Variants in PTGFRN observed in about 807,000 individuals in gnomAD.
PTGFRN encodes the protein prostaglandin F2 receptor negative regulator.
PTGFRN carries 35 observed loss-of-function variants against 83.2 expected under a neutral mutation model. The observed-to-expected ratio is 0.42, with a 90% confidence interval of 0.32 to 0.56. The LOEUF (loss-of-function observed/expected upper bound fraction) is 0.56. Ranked by LOEUF, PTGFRN falls within the 20% of genes least tolerant of loss-of-function variation. PTGFRN has a pLI of 0.11. For synonymous variants in PTGFRN, 519 were observed against 498.6 expected, an observed-to-expected ratio of 1.04 and a Z score of -0.55; for missense variants, 1,051 against 1,179.5, an observed-to-expected ratio of 0.89 and a Z score of 1.60.
intron 1 of PTGFRN, among the ~76,000 whole-genome samples, chr1:116,925,375 T>C (rs573944018): frequency 1.6e-3 from 236 of 151,558 alleles, no homozygotes; most frequent in Non-Finnish European, 2.9e-3. Flanking sequence ...TGCAGTGAGC[T>C]GAGATTGTGC....
intron 7 of PTGFRN, among the ~76,000 whole-genome samples, chr1:116,976,608 A>G (rs527334122): frequency 2.9e-4 from 44 of 152,352 alleles, no homozygotes; most frequent in African/African-American, 1.0e-3. Flanking sequence ...CCAGAATTTC[A>G]TATCCAGCCA....
chr1:116,912,689 C>T (rs753023189), intron 1 of PTGFRN, among the ~76,000 whole-genome samples: 2 of 152,106 alleles, frequency 1.3e-5, no homozygotes, highest in Non-Finnish European at 2.9e-5. Flanking sequence ...TTTTGGGGCT[C>T]CCACCTGTTC....
chr1:116,965,275 T>A (rs1008700819), intron 5 of PTGFRN, among the ~76,000 whole-genome samples: 1 of 152,120 alleles, frequency 6.6e-6, no homozygotes, highest in African/African-American at 2.4e-5. Flanking sequence ...TTATTTATTT[T>A]ATTTTTAATT....
Position 116,974,257 on chromosome 1 carries a change from G to T in PTGFRN, c.2101G>T (p.Val701Leu), listed in dbSNP as rs1570676251. Residue 701 changes from valine (V) to leucine (L), a missense_variant, in exon 7 of 9, where the codon GTA becomes TTA. Around this residue, in one of 3 missense-constraint regions of PTGFRN, gnomAD observed 719 missense variants for 836.6 expected, o/e 0.86. Coordinates refer to ENST00000393203, the MANE Select transcript of PTGFRN (RefSeq NM_020440.4). ...NASVHSDTPS[V>L]IRGDLIKLFC... Reference sequence around the variant, plus strand: ...TTCTGTGCATTCAGACACACCATCAGTAATTCGGGGAGATCTGATCAAATT... The same window carrying T: ...TTCTGTGCATTCAGACACACCATCATTAATTCGGGGAGATCTGATCAAATT... 6.2e-7 allele frequency: 1 copy of T among 1,613,534 alleles called. No individual in the cohort carries two copies. The highest frequency in any genetic ancestry group is 8.5e-7 in the Non-Finnish European group (1 of 1,179,412).
chr1:116,975,813 C>G (rs561842512), intron 7 of PTGFRN, among the ~76,000 whole-genome samples: 1 of 152,166 alleles, frequency 6.6e-6, no homozygotes, highest in African/African-American at 2.4e-5. Flanking sequence ...AAAATCAGAG[C>G]ACCTCTCCCC....
intron 7 of PTGFRN, among the ~76,000 whole-genome samples, chr1:116,984,477 A>T (rs4659327): frequency 0.19 from 28,773 of 152,072 alleles, 3,416 homozygotes; most frequent in South Asian, 0.3. Flanking sequence ...CATGACCTTG[A>T]GCAGGTATAT....
intron 7 of PTGFRN, among the ~76,000 whole-genome samples, chr1:116,981,394 C>T (rs1007030542): frequency 3.9e-5 from 6 of 152,152 alleles, no homozygotes; most frequent in Admixed American, 1.3e-4. Context: ...CCAAATTGTA[C>T]AGAGGTCACA....
rs370582827 is a variant in PTGFRN, at chr1:116,979,880, TTAAAC to T, written c.2168-4795_2168-4791del. On this transcript the variant is annotated intron_variant, in intron 7 of 8. Transcript: ENST00000393203. ...GCCAAAATAGACAAATGGGATCTAATTAAACTAAAGAGCTTCTGCACAGCAAAAGA... is the reference window on the plus strand; with the variant it reads ...GCCAAAATAGACAAATGGGATCTAATTAAAGAGCTTCTGCACAGCAAAAGA... Among the ~76,000 whole-genome samples, 402 of 152,276 alleles carry T rather than the reference TTAAAC, an allele frequency of 2.6e-3. 3 individuals are homozygous for T. Among genetic ancestry groups the T allele is most frequent in the South Asian group, 0.025 (123 of 4,824 alleles).
Position 116,910,256 on chromosome 1 carries a change from AGT to A in PTGFRN, c.49+8_49+9del. ...CTGCTGGCGCTCCTGTCGTTGGGTG[AGT>A]GTGCGCGGGGCTCAGCGGGGCACAC... is the stretch of plus-strand genomic sequence containing the variant. On this transcript the variant is annotated splice_donor_5th_base_variant and intron_variant, in intron 1 of 8. Transcript: ENST00000393203. 5 of 1,438,574 alleles carry A rather than the reference AGT, an allele frequency of 3.5e-6. No individual in the cohort carries two copies. Among genetic ancestry groups the A allele is most frequent in the Admixed American group, 5.3e-5 (2 of 37,724 alleles). The allele number at this position is 1,438,574 out of a possible 1,614,324, so 89.1% of individuals were successfully genotyped here. A position where few individuals can be genotyped will look rare whatever the true frequency, so the allele number is the denominator to read the frequency against.
At chr1:116,969,822 C>T (rs1033619730) in intron 6 of PTGFRN, among the ~76,000 whole-genome samples, 6 of 151,960 alleles carry the variant, frequency 3.9e-5, no homozygotes, top group African/African-American at 9.7e-5. Flanking sequence ...TTAAATTTAT[C>T]GTAAGTATTT....
intron 4 of PTGFRN, among the ~76,000 whole-genome samples, chr1:116,956,231 GCC>G (rs1388137455): frequency 3.0e-4 from 46 of 152,162 alleles, no homozygotes; most frequent in Non-Finnish European, 1.2e-4. Flanking sequence ...AAGTTCACAA[GCC>G]AAGAATCCAC....
intron 1 of PTGFRN, among the ~76,000 whole-genome samples, chr1:116,927,013 G>T (rs1337970856): frequency 6.6e-6 from 1 of 152,150 alleles, no homozygotes; most frequent in East Asian, 1.9e-4. Flanking sequence ...TAATCACTTA[G>T]CCCCGAGATT....
chr1:116,965,373 G>A lies in PTGFRN; in HGVS notation c.1640-1538G>A, dbSNP rs538464883. Among the ~76,000 whole-genome samples the A allele has an allele frequency of 5.9e-5, 9 of 152,114 alleles. No homozygotes were observed. The South Asian group carries it at 1.7e-3, about 28-fold the overall frequency. On this transcript the variant is annotated intron_variant, in intron 5 of 8. Coordinates refer to ENST00000393203, the MANE Select transcript of PTGFRN (RefSeq NM_020440.4). ...GAGTGCAGTGGCACCATCATAACTCGTTGTCGCCTCAAACTCCTGGACTCA... is the reference window on the plus strand; with the variant it reads ...GAGTGCAGTGGCACCATCATAACTCATTGTCGCCTCAAACTCCTGGACTCA...
intron 1 of PTGFRN, among the ~76,000 whole-genome samples, chr1:116,921,947 C>G (rs1282723761): frequency 6.6e-6 from 1 of 152,084 alleles, no homozygotes; most frequent in African/African-American, 2.4e-5. Context: ...AGTACGGTTT[C>G]TCAGAGGTGG....
At chr1:116,955,301 T>A (rs574141064) in intron 4 of PTGFRN, among the ~76,000 whole-genome samples, 2 of 152,358 alleles carry the variant, frequency 1.3e-5, no homozygotes, top group East Asian at 3.9e-4. Context: ...CTGGCCTCAG[T>A]ATTCTGTGAG....
At chr1:116,933,754 T>C (rs926789223) in intron 1 of PTGFRN, among the ~76,000 whole-genome samples, 1 of 152,224 alleles carries the variant, frequency 6.6e-6, no homozygotes, top group African/African-American at 2.4e-5. Context: ...AAAGATGTCA[T>C]TCTGTGGTCT....
intron 1 of PTGFRN, among the ~76,000 whole-genome samples, chr1:116,933,033 A>C (rs1414750626): frequency 6.6e-6 from 1 of 152,236 alleles, no homozygotes; most frequent in African/African-American, 2.4e-5. Context: ...TGGCTCAGTC[A>C]GTCAGTGCAT....
chr1:116,923,136 C>T lies in PTGFRN; in HGVS notation c.49+12884C>T, dbSNP rs955218449. Among the ~76,000 whole-genome samples, 2 of 152,050 alleles carry T rather than the reference C, an allele frequency of 1.3e-5. No individual in the cohort carries two copies. Among genetic ancestry groups the T allele is most frequent in the African/African-American group, 4.8e-5 (2 of 41,384 alleles). ...GTGTCTCACCCAACCGTAAGCAGCT[C>T]GAAAGCAGGATCATGTCTGTTTTTG... On this transcript the variant is annotated intron_variant, in intron 1 of 8. Transcript: ENST00000393203. This position sits in a 1 kb window ranked among gnomAD's most constrained non-coding sequence, Gnocchi z 4.0.
At chr1:116,976,879 A>G (rs1570677892) in intron 7 of PTGFRN, among the ~76,000 whole-genome samples, 1 of 152,218 alleles carries the variant, frequency 6.6e-6, no homozygotes, top group South Asian at 2.1e-4. Context: ...AACAATATTA[A>G]CCTTAAATGT....
Sources: allele counts gnomAD v4.1 joint callset (sites outside exome capture counted in the v4.1 genomes callset), GRCh38; gene constraint gnomAD v4.1.1; regional missense constraint gnomAD v4.1.1; non-coding constraint Gnocchi (gnomAD v3.1); transcripts MANE v1.5; gene names NCBI Gene and HGNC (gene_info 2026-07-23, HGNC 2026-07-21).